Variants in SQOR observed in about 807,000 individuals in gnomAD.
SQOR encodes sulfide quinone oxidoreductase.
A neutral mutation model predicts 48.6 loss-of-function variants in SQOR; 39 were observed. That is an observed-to-expected ratio of 0.80 (90% CI 0.62 to 1.05). The LOEUF is 1.05. Ranked by LOEUF, SQOR falls within the 50% of genes least tolerant of loss-of-function variation. The pLI, the probability that SQOR is intolerant of heterozygous loss-of-function variation, is 0.00. For missense variants in SQOR, 561 were observed against 559.9 expected (o/e 1.00, Z -0.02); for synonymous variants, 220 against 206.2 (o/e 1.07, Z -0.57).
rs1326603569 is a variant in SQOR, at chr15:45,682,598, C to A, written c.985C>A (p.Pro329Thr). Residue 329 changes from proline to threonine, a missense_variant, in exon 7 of 10, where the codon CCA becomes ACA. Physicochemically the swap from Pro to Thr is conservative, Grantham distance 38. Coordinates refer to ENST00000260324, the MANE Select transcript of SQOR (RefSeq NM_021199.4). ...DKETLQHRRY[P>T]NVFGIGDCTN... is the part of the protein sequence containing the mutation. ...AGAAACTCTGCAACACAGGAGGTAC[C>A]CAAATGTGTTTGGGATTGGGGACTG... is the stretch of plus-strand genomic sequence containing the variant. 6.2e-7 allele frequency: 1 copy of A among 1,614,014 alleles called. No homozygotes were observed. The highest frequency in any genetic ancestry group is 1.3e-5 in the African/African-American group (1 of 74,902).
chr15:45,651,714 C>G (rs963918390), intron 1 of SQOR, among the ~76,000 whole-genome samples: 1 of 152,188 alleles, frequency 6.6e-6, no homozygotes, highest in Non-Finnish European at 1.5e-5. Flanking sequence ...AGCAATCCTC[C>G]CACCTGGGCC....
At chr15:45,658,044 C>T (rs767302888) in intron 1 of SQOR, among the ~76,000 whole-genome samples, 1 of 151,960 alleles carries the variant, frequency 6.6e-6, no homozygotes, top group Non-Finnish European at 1.5e-5. Context: ...TTCCTCTCTG[C>T]CAAAGCACTA....
At chr15:45,659,566 C>T (rs1411050632) in intron 2 of SQOR, among the ~76,000 whole-genome samples, 1 of 152,138 alleles carries the variant, frequency 6.6e-6, no homozygotes, top group Non-Finnish European at 1.5e-5. Flanking sequence ...ATGCCTCTCT[C>T]CCAGCTTCTG....
chr15:45,667,820 T>C (rs914264533), intron 3 of SQOR, among the ~76,000 whole-genome samples: 21 of 152,086 alleles, frequency 1.4e-4, no homozygotes, highest in Non-Finnish European at 2.8e-4. Flanking sequence ...CCATGCTAGC[T>C]CTTACCTAAT....
chr15:45,680,388 C>G (rs1890106816), intron 6 of SQOR, among the ~76,000 whole-genome samples: 1 of 151,596 alleles, frequency 6.6e-6, no homozygotes, highest in African/African-American at 2.4e-5. Context: ...GCCACCACAC[C>G]TGGCCCAATG....
Position 45,682,548 on chromosome 15 carries a change from C to T in SQOR, c.935C>T (p.Ala312Val), listed in dbSNP as rs570588911. 1.1e-5 allele frequency: 18 copies of T among 1,614,076 alleles called. No individual in the cohort carries two copies. Among genetic ancestry groups the T allele is most frequent in the Non-Finnish European group, 1.5e-5 (18 of 1,180,042 alleles). ...CTCAAGACCAGTCCTGTGGCTGATG[C>T]TGCTGGTTGGGTGGATGTGGATAAA... ...DVLKTSPVAD[A>V]AGWVDVDKET... The change falls in exon 7 of 10, where the codon GCT (alanine) becomes GTT (valine). Residue 312 changes from alanine to valine, a missense_variant. By Grantham distance (64) the Ala-to-Val change is moderately conservative. Transcript: ENST00000260324.
intron 5 of SQOR, 61 bp downstream of exon 5, chr15:45,673,862 A>G (rs1192109433): frequency 6.6e-7 from 1 of 1,521,318 alleles, no homozygotes; most frequent in Non-Finnish European, 9.0e-7. Flanking sequence ...CACTGATTGC[A>G]AGAATTCCAT....
At position 45,662,030 on chromosome 15, in the gene SQOR, G is replaced by A. The variant is rs1566918867; in HGVS notation, c.310G>A (p.Ala104Thr). ...ATTGTCCTCATCTGGTCGTCCCACGGCAAGTGTGATTCCATCTGGTGTAGA... is the reference window on the plus strand; with the variant it reads ...ATTGTCCTCATCTGGTCGTCCCACGACAAGTGTGATTCCATCTGGTGTAGA... ...KQLSSSGRPT[A>T]SVIPSGVEWI... Residue 104 changes from alanine (A) to threonine (T), a missense_variant, in exon 3 of 10, where the codon GCA (alanine) becomes ACA (threonine). Physicochemically the swap from Ala to Thr is moderately conservative, Grantham distance 58. Transcript: ENST00000260324. 1 of 1,614,226 alleles carries A rather than the reference G, an allele frequency of 6.2e-7. No individual in the cohort carries two copies. The highest frequency in any genetic ancestry group is 1.1e-5 in the South Asian group (1 of 91,088).
At chr15:45,654,244 G>A (rs997415757) in intron 1 of SQOR, among the ~76,000 whole-genome samples, 7 of 152,152 alleles carry the variant, frequency 4.6e-5, no homozygotes, top group African/African-American at 1.7e-4. Context: ...ATGGTTCTGG[G>A]TTTTCTGATT....
chr15:45,638,143 A>T (rs1215960606), intron 1 of SQOR, among the ~76,000 whole-genome samples: 1 of 152,260 alleles, frequency 6.6e-6, no homozygotes, highest in Non-Finnish European at 1.5e-5. Context: ...TGTGGAAAAA[A>T]ACAAAACAGA....
At chr15:45,678,784 G>A (rs1231351609) in intron 6 of SQOR, among the ~76,000 whole-genome samples, 1 of 152,116 alleles carries the variant, frequency 6.6e-6, no homozygotes, top group African/African-American at 2.4e-5. Context: ...TGGCTGTCAG[G>A]CCGTTGTTAG....
chr15:45,642,876 T>C (rs2099880), intron 1 of SQOR, among the ~76,000 whole-genome samples: 39,996 of 152,018 alleles, frequency 0.26, 6,622 homozygotes, highest in East Asian at 0.64. Flanking sequence ...TTTGTTTGCA[T>C]TTCTAATGCT....
chr15:45,632,381 G>A (rs1005834009), upstream of SQOR, among the ~76,000 whole-genome samples: 33 of 151,884 alleles, frequency 2.2e-4, no homozygotes, highest in African/African-American at 7.2e-4. Context: ...CACAATGCCC[G>A]GCTAATTTTT....
At chr15:45,643,475 G>A (rs955931929) in intron 1 of SQOR, among the ~76,000 whole-genome samples, 5 of 152,168 alleles carry the variant, frequency 3.3e-5, no homozygotes, top group East Asian at 1.9e-4. Flanking sequence ...GATTACAGGC[G>A]TGAGCCACCA....
intron 1 of SQOR, among the ~76,000 whole-genome samples, chr15:45,647,428 G>T (rs1384423806): frequency 6.7e-6 from 1 of 149,744 alleles, no homozygotes; most frequent in Non-Finnish European, 1.5e-5. Flanking sequence ...CTGGGTTCAA[G>T]TGATTCTCCT....
chr15:45,677,080 G>T (rs1264702356), intron 6 of SQOR, among the ~76,000 whole-genome samples: 1 of 151,004 alleles, frequency 6.6e-6, no homozygotes, highest in Non-Finnish European at 1.5e-5. Flanking sequence ...ACTTAGAGAA[G>T]TTACAAAATA....
chr15:45,649,913 G>A (rs1889438512), intron 1 of SQOR, among the ~76,000 whole-genome samples: 1 of 152,070 alleles, frequency 6.6e-6, no homozygotes. Flanking sequence ...CGTGACCTCA[G>A]CTCACTGCAA....
At chr15:45,677,177 TCTTCCTTC>T (rs146339178) in intron 6 of SQOR, among the ~76,000 whole-genome samples, 5 of 152,048 alleles carry the variant, frequency 3.3e-5, no homozygotes, top group Admixed American at 6.6e-5. Flanking sequence ...TCATTTGATT[TCTTCCTTC>T]CTTCCTTCCT....
At chr15:45,660,843 G>A (rs1889704610) in intron 2 of SQOR, among the ~76,000 whole-genome samples, 2 of 152,074 alleles carry the variant, frequency 1.3e-5, no homozygotes, top group African/African-American at 4.8e-5. Context: ...TTTTGGCAGT[G>A]CTGGCCAGCT....
Sources: allele counts gnomAD v4.1 joint callset (sites outside exome capture counted in the v4.1 genomes callset), GRCh38; gene constraint gnomAD v4.1.1; transcripts MANE v1.5; gene names NCBI Gene and HGNC (gene_info 2026-07-23, HGNC 2026-07-21).